GRIA4: variants seen among roughly 807,000 people sequenced by gnomAD.
GRIA4 encodes glutamate receptor 4.
Under a neutral mutation model 104.0 loss-of-function variants are expected in GRIA4, and 34 were observed. That is an observed-to-expected ratio of 0.33 (90% CI 0.25 to 0.44). The LOEUF (loss-of-function observed/expected upper bound fraction) is 0.44. Ranked by LOEUF, GRIA4 falls within the 20% of genes least tolerant of loss-of-function variation. GRIA4 has a pLI of 1.00. For missense variants in GRIA4, 750 were observed against 1,096.5 expected (o/e 0.68, Z 4.46); for synonymous variants, 386 against 381.9 (o/e 1.01, Z -0.13).
intron 14 of GRIA4, among the ~76,000 whole-genome samples, chr11:105,960,915 T>C (rs1948728886): frequency 6.6e-6 from 1 of 152,128 alleles, no homozygotes; most frequent in Non-Finnish European, 1.5e-5. Flanking sequence ...GTGCTCTTCC[T>C]TCTCTCAGTG....
intron 3 of GRIA4, among the ~76,000 whole-genome samples, chr11:105,648,364 G>A (rs1189235347): frequency 6.6e-6 from 1 of 151,226 alleles, no homozygotes; most frequent in African/African-American, 2.4e-5. Flanking sequence ...TAAGATTATA[G>A]TAATTGGATA....
chr11:105,633,842 C>G (rs1370485438), intron 3 of GRIA4, among the ~76,000 whole-genome samples: 1 of 152,114 alleles, frequency 6.6e-6, no homozygotes, highest in Admixed American at 6.6e-5. Context: ...AATGGAGCCT[C>G]AAAACGATGC....
At chr11:105,741,254 G>C (rs1939286072) in intron 3 of GRIA4, among the ~76,000 whole-genome samples, 1 of 152,136 alleles carries the variant, frequency 6.6e-6, no homozygotes, top group African/African-American at 2.4e-5. Context: ...TTTTGAGGGG[G>C]GGAAATGAAG....
chr11:105,777,547 T>C (rs1345251559), intron 4 of GRIA4, among the ~76,000 whole-genome samples: 1 of 152,136 alleles, frequency 6.6e-6, no homozygotes, highest in African/African-American at 2.4e-5. Context: ...TTTTAACACA[T>C]GACCATTCAA....
intron 3 of GRIA4, among the ~76,000 whole-genome samples, chr11:105,732,905 G>A (rs1028638931): frequency 3.9e-5 from 6 of 152,088 alleles, no homozygotes; most frequent in Non-Finnish European, 8.8e-5. Flanking sequence ...CATCCATTAC[G>A]CTATTATTAA....
chr11:105,972,205 C>T (rs544582773), intron 15 of GRIA4, among the ~76,000 whole-genome samples, 177 bp downstream of exon 15: 5 of 152,294 alleles, frequency 3.3e-5, no homozygotes, highest in Admixed American at 2.6e-4. Flanking sequence ...AAACTGCAAC[C>T]TGCTCCCCAA....
intron 3 of GRIA4, among the ~76,000 whole-genome samples, chr11:105,710,336 C>T (rs1380787833): frequency 6.6e-6 from 1 of 152,026 alleles, no homozygotes; most frequent in Non-Finnish European, 1.5e-5. Flanking sequence ...ATGTAGGAAG[C>T]AGTAATGGCC....
intron 6 of GRIA4, among the ~76,000 whole-genome samples, chr11:105,895,827 C>T (rs1447079779): frequency 6.6e-6 from 1 of 152,072 alleles, no homozygotes; most frequent in Admixed American, 6.6e-5. Context: ...TACCATTTCT[C>T]GGGGCACTTA....
At chr11:105,627,663 G>A (rs1950922056) in intron 3 of GRIA4, among the ~76,000 whole-genome samples, 1 of 152,142 alleles carries the variant, frequency 6.6e-6, no homozygotes, top group South Asian at 2.1e-4. Context: ...GTTAGTTCTA[G>A]CAACAAATAC....
rs1941506350 is a variant in GRIA4, at chr11:105,777,599, A to T, written c.487+24379A>T. 3.3e-5 allele frequency among the ~76,000 whole-genome samples: 5 copies of T among 152,284 alleles called. No individual in the cohort carries two copies. The South Asian group carries it at 1.0e-3, about 32-fold the overall frequency. On this transcript the variant is annotated intron_variant, in intron 4 of 16. Coordinates refer to ENST00000282499, the MANE Select transcript of GRIA4 (RefSeq NM_000829.4). ...GTTTCAATGGTACCTAAAATAATAG[A>T]TTGTTCAAACAATATATCTTTTCTA...
intron 5 of GRIA4, 103 bp downstream of exon 5, chr11:105,862,311 A>G: frequency 1.5e-6 from 1 of 670,544 alleles, no homozygotes; most frequent in Non-Finnish European, 2.6e-6. Flanking sequence ...TTTAATTTGG[A>G]GTGTGAGGTT....
Position 105,883,092 on chromosome 11 carries a change from C to G in GRIA4, c.673-4427C>G, listed in dbSNP as rs181191133. On this transcript the variant is annotated intron_variant, in intron 5 of 16. Coordinates refer to ENST00000282499, the MANE Select transcript of GRIA4 (RefSeq NM_000829.4). ...GCTTCTTAAAAAACAAAAACAAAAA[C>G]AAAACAAACAAAACCCCACACACAG... 1.8e-3 allele frequency among the ~76,000 whole-genome samples: 272 copies of G among 152,038 alleles called. 1 individual carries two copies. Among genetic ancestry groups the G allele is most frequent in the African/African-American group, 6.4e-3 (265 of 41,492 alleles).
At chr11:105,614,861 A>C (rs552344945) in intron 3 of GRIA4, among the ~76,000 whole-genome samples, 1 of 151,954 alleles carries the variant, frequency 6.6e-6, no homozygotes, top group South Asian at 2.1e-4. Flanking sequence ...TTTCCAATCT[A>C]ATTAAAGGTA....
At chr11:105,755,156 C>A (rs1310364321) in intron 4 of GRIA4, among the ~76,000 whole-genome samples, 1 of 152,118 alleles carries the variant, frequency 6.6e-6, no homozygotes, top group African/African-American at 2.4e-5. Flanking sequence ...TATGTTTATG[C>A]AGGAGGAGAG....
intron 14 of GRIA4, among the ~76,000 whole-genome samples, chr11:105,951,296 C>G (rs1408209234): frequency 1.3e-5 from 2 of 152,162 alleles, no homozygotes; most frequent in Non-Finnish European, 2.9e-5. Flanking sequence ...TGTTGAACAG[C>G]TCACATGCTG....
At chr11:105,812,678 T>C (rs1943221737) in intron 4 of GRIA4, among the ~76,000 whole-genome samples, 1 of 152,186 alleles carries the variant, frequency 6.6e-6, no homozygotes, top group Admixed American at 6.5e-5. Flanking sequence ...GTTAATATTG[T>C]TAACCCAAAT....
intron 4 of GRIA4, among the ~76,000 whole-genome samples, chr11:105,847,227 A>AT (rs1187579539): frequency 3.3e-5 from 5 of 152,190 alleles, no homozygotes; most frequent in Admixed American, 6.5e-5. Flanking sequence ...GATCCCTTGT[A>AT]TGTGCAGTTC....
chr11:105,759,342 A>C (rs2135712051), intron 4 of GRIA4, among the ~76,000 whole-genome samples: 1 of 152,268 alleles, frequency 6.6e-6, no homozygotes, highest in South Asian at 2.1e-4. Context: ...GAAAAAACAA[A>C]TCAAAATATA....
At chr11:105,788,235 C>A (rs992596916) in intron 4 of GRIA4, among the ~76,000 whole-genome samples, 16 of 150,828 alleles carry the variant, frequency 1.1e-4, no homozygotes, top group African/African-American at 3.7e-4. Flanking sequence ...ATTAGAAAAT[C>A]AAAAAAAACA....
Sources: allele counts gnomAD v4.1 joint callset (sites outside exome capture counted in the v4.1 genomes callset), GRCh38; gene constraint gnomAD v4.1.1; transcripts MANE v1.5; gene names NCBI Gene and HGNC (gene_info 2026-07-23, HGNC 2026-07-21).